GRIN2A: variants seen among roughly 807,000 people sequenced by gnomAD.
The protein encoded by GRIN2A is glutamate ionotropic receptor NMDA type subunit 2A, also known as glutamate receptor ionotropic, NMDA 2A.
Under a neutral mutation model 113.4 loss-of-function variants are expected in GRIN2A, and 22 were observed. The ratio of observed to expected loss-of-function variants is 0.19; its 90% CI spans 0.14 to 0.28. The LOEUF (loss-of-function observed/expected upper bound fraction) is 0.28, where lower values mean the gene tolerates loss of function less well. Among genes scored for constraint, GRIN2A ranks in the 10% least tolerant of loss-of-function variants. The pLI, the probability that GRIN2A is intolerant of heterozygous loss-of-function variation, is 1.00. For synonymous variants in GRIN2A, 827 were observed against 738.4 expected (o/e 1.12, Z -1.94); for missense variants, 1,502 against 1,887.0 (o/e 0.80, Z 3.78).
At chr16:9,896,994 T>C (rs16966650) in intron 3 of GRIN2A, among the ~76,000 whole-genome samples, 39,420 of 152,032 alleles carry the variant, frequency 0.26, 5,531 homozygotes, top group African/African-American at 0.36. Context: ...AGATAAAATG[T>C]CAGAAATTCT....
chr16:10,144,451 C>T (rs563990479), intron 2 of GRIN2A, among the ~76,000 whole-genome samples: 1 of 152,316 alleles, frequency 6.6e-6, no homozygotes, highest in Admixed American at 6.5e-5. Context: ...TGGCCATTTG[C>T]ATGTCTTCTT....
intron 3 of GRIN2A, among the ~76,000 whole-genome samples, chr16:9,906,914 C>A (rs2044038936): frequency 1.3e-5 from 2 of 152,214 alleles, no homozygotes; most frequent in African/African-American, 4.8e-5. Context: ...ACAATCACAG[C>A]TCACTGCGGC....
At chr16:10,155,501 C>T (rs1241467805) in intron 2 of GRIN2A, among the ~76,000 whole-genome samples, 1 of 152,208 alleles carries the variant, frequency 6.6e-6, no homozygotes, top group Non-Finnish European at 1.5e-5. Context: ...ATCCCTTCTA[C>T]AGTCCCTGCC....
Position 9,949,228 on chromosome 16 carries a change from A to T in GRIN2A, c.415-10677T>A, listed in dbSNP as rs1425514030. ...TTAATGCTAATTCATCTGTACAGTA[A>T]TAGCACACAGCCCAGCTCCCAGTAC... On this transcript the variant is annotated intron_variant, in intron 2 of 12. Transcript: ENST00000330684. Among the ~76,000 whole-genome samples, 3 of 152,344 alleles carry T rather than the reference A, an allele frequency of 2.0e-5. No individual in the cohort carries two copies. In the East Asian group the frequency reaches 5.8e-4, roughly 29 times the overall value.
chr16:9,829,562 T>C lies in GRIN2A; in HGVS notation c.1868A>G (p.Lys623Arg). The C allele has an allele frequency of 6.2e-7, 1 of 1,613,958 alleles. No homozygotes were observed. The highest frequency in any genetic ancestry group is 8.5e-7 in the Non-Finnish European group (1 of 1,179,876). The change falls in exon 9 of 13, where the codon AAA becomes AGA. Residue 623 changes from lysine to arginine, a missense_variant. Lys to Arg is a conservative substitution (Grantham distance 26, BLOSUM62 2). Around this residue, in one of 7 missense-constraint regions of GRIN2A, gnomAD observed 82 missense variants for 222.7 expected, o/e 0.37. Coordinates refer to ENST00000330684, the MANE Select transcript of GRIN2A (RefSeq NM_001134407.3). ...FNNSVPVQNP[K>R]GTTSKIMVSV... ...TACCATGATCTTGCTGGTGGTCCCT[T>C]TAGGATTCTGGACAGGCACGGAGTT...
In GRIN2A at chr16:10,055,094, AAAGAAAGAAAGAAAAAAG is replaced by A; in HGVS notation, c.415-116561_415-116544del. Among the ~76,000 whole-genome samples, 23 of 76,194 alleles carry A rather than the reference AAAGAAAGAAAGAAAAAAG, an allele frequency of 3.0e-4. 1 individual carries two copies. The highest frequency in any genetic ancestry group is 6.4e-4 in the African/African-American group (11 of 17,236). 50.0% of individuals were successfully genotyped at this position (76,194 alleles called of 152,430 possible). On this transcript the variant is annotated intron_variant, in intron 2 of 12. Transcript: ENST00000330684. ...AAAAAAAAAAAAAAAAAGAAAAAAG[AAAGAAAGAAAGAAAAAAG>A]AAAAAAAAAACAGTAGTTGGAAAAA...
chr16:10,164,199 A>C (rs1248117380), intron 2 of GRIN2A, among the ~76,000 whole-genome samples: 1 of 152,228 alleles, frequency 6.6e-6, no homozygotes, highest in African/African-American at 2.4e-5. Context: ...TTTGTCAATT[A>C]ATATTTACTG....
chr16:9,776,603 T>G lies in GRIN2A; in HGVS notation c.2357-7514A>C, dbSNP rs1463369360. Among the ~76,000 whole-genome samples the G allele has an allele frequency of 2.0e-5, 3 of 152,022 alleles. No individual in the cohort carries two copies. The East Asian group carries it at 5.8e-4, about 29-fold the overall frequency. ...TGGCTCTTGGGCGAGTATGTTCTCATCAAAGATCCCAGCAATAGAGCCTGG... is the reference window on the plus strand; with the variant it reads ...TGGCTCTTGGGCGAGTATGTTCTCAGCAAAGATCCCAGCAATAGAGCCTGG... On this transcript the variant is annotated intron_variant, in intron 11 of 12. Transcript: ENST00000330684.
At chr16:9,768,195 G>C (rs1163623182) in intron 12 of GRIN2A, among the ~76,000 whole-genome samples, 2 of 152,070 alleles carry the variant, frequency 1.3e-5, no homozygotes, top group African/African-American at 4.8e-5. Context: ...GGGGTAGCTG[G>C]GACTACAGGC....
intron 2 of GRIN2A, among the ~76,000 whole-genome samples, chr16:10,084,273 C>G (rs766031041): frequency 1.8e-4 from 27 of 152,236 alleles, no homozygotes; most frequent in South Asian, 6.2e-4. Context: ...GAATACAAAA[C>G]AGGCATAGTC....
intron 2 of GRIN2A, among the ~76,000 whole-genome samples, chr16:10,141,098 G>A (rs183526699): frequency 6.6e-6 from 1 of 152,206 alleles, no homozygotes; most frequent in Non-Finnish European, 1.5e-5. Context: ...GGAGGCTGAG[G>A]TGGGAGGATC....
chr16:9,809,803 C>G (rs1304118648), intron 10 of GRIN2A, among the ~76,000 whole-genome samples: 1 of 152,192 alleles, frequency 6.6e-6, no homozygotes, highest in African/African-American at 2.4e-5. Context: ...TGTGGTGGCT[C>G]ATGCCAGTAA....
chr16:10,083,958 C>T (rs1171962246), intron 2 of GRIN2A, among the ~76,000 whole-genome samples: 2 of 152,072 alleles, frequency 1.3e-5, no homozygotes, highest in Non-Finnish European at 2.9e-5. Flanking sequence ...CAAATATGAG[C>T]CAGGCATGGG....
chr16:9,763,026 A>T lies in GRIN2A; in HGVS notation c.*123T>A, dbSNP rs1900655572. ...GTGCAAAAGAGCCAACAACAACAAC[A>T]ACAAAATACCTCCCTACATCTTCTT... On this transcript the variant is annotated 3_prime_UTR_variant, in exon 13 of 13. Transcript: ENST00000330684. 1 of 1,002,708 alleles carries T rather than the reference A, an allele frequency of 1.0e-6. No individual in the cohort carries two copies. The highest frequency in any genetic ancestry group is 1.6e-5 in the African/African-American group (1 of 62,632). 62.1% of individuals were successfully genotyped at this position (1,002,708 alleles called of 1,614,324 possible). A position where few individuals can be genotyped will look rare whatever the true frequency, so the allele number is the denominator to read the frequency against.
chr16:9,789,306 T>C (rs1902443051), intron 11 of GRIN2A, among the ~76,000 whole-genome samples: 2 of 152,140 alleles, frequency 1.3e-5, no homozygotes, highest in African/African-American at 4.8e-5. Flanking sequence ...ACCAGCAGAC[T>C]AAAGAACAGA....
intron 2 of GRIN2A, among the ~76,000 whole-genome samples, chr16:10,059,758 T>TGGTGAGA (rs895045758): frequency 7.8e-6 from 1 of 128,072 alleles, no homozygotes; most frequent in African/African-American, 3.0e-5. Flanking sequence ...TTTTAGAGGG[T>TGGTGAGA]GGTGAGAGGT....
intron 4 of GRIN2A, among the ~76,000 whole-genome samples, chr16:9,856,889 A>C (rs945437264): frequency 6.6e-6 from 1 of 152,148 alleles, no homozygotes; most frequent in Non-Finnish European, 1.5e-5. Context: ...TGCTGAACAA[A>C]AAAAAAAGAC....
chr16:9,763,604 T>G lies in GRIN2A; in HGVS notation c.3940A>C (p.Lys1314Gln). The G allele has an allele frequency of 6.2e-7, 1 of 1,613,552 alleles. No homozygotes were observed. Among genetic ancestry groups the G allele is most frequent in the Non-Finnish European group, 8.5e-7 (1 of 1,179,978 alleles). ...CCCTCCAGAAGCCGTTCCCTGTCCT[T>G]GAGGCTTATGCTCCGGGAGGGCCTG... The part of the protein sequence containing the change: ...LSRPSRSISL[K>Q]DRERLLEGNF... The change falls in exon 13 of 13, where the codon AAG (lysine) becomes CAG (glutamine). Residue 1314 changes from lysine (K) to glutamine (Q), a missense_variant. Around this residue, in one of 7 missense-constraint regions of GRIN2A, gnomAD observed 832 missense variants for 789.7 expected, o/e 1.05. Coordinates refer to ENST00000330684, the MANE Select transcript of GRIN2A (RefSeq NM_001134407.3).
chr16:9,937,767 A>G (rs1173254617), intron 3 of GRIN2A, 192 bp downstream of exon 3: 3 of 606,872 alleles, frequency 4.9e-6, no homozygotes, highest in East Asian at 2.8e-5. Flanking sequence ...TGCAGGAAAC[A>G]AAGTCTAATG....
Sources: gnomAD v4.1 joint callset for allele counts (sites outside exome capture counted in the v4.1 genomes callset) on GRCh38, gnomAD v4.1.1 for gene constraint, gnomAD v4.1.1 regional missense constraint, MANE v1.5 for transcripts, NCBI Gene and HGNC (gene_info 2026-07-23, HGNC 2026-07-21) for gene names.